ALDH6A1: variants seen among roughly 807,000 people sequenced by gnomAD.
The protein encoded by ALDH6A1 is aldehyde dehydrogenase 6 family member A1.
ALDH6A1 carries 43 observed loss-of-function variants against 62.6 expected under a neutral mutation model. That is an observed-to-expected ratio of 0.69 (90% confidence interval 0.54 to 0.89). The LOEUF (loss-of-function observed/expected upper bound fraction) is 0.89. ALDH6A1 is among the 40% of genes least tolerant of loss of function. The pLI is 0.00. For synonymous variants in ALDH6A1, 194 were observed against 234.2 expected, an observed-to-expected ratio of 0.83 and a Z score of 1.57; for missense variants, 551 against 661.3, an observed-to-expected ratio of 0.83 and a Z score of 1.83.
rs1436469172 is a variant in ALDH6A1 at position 74,057,759 on chromosome 14, AG to A, written c.*2882del. 1 of 1,133,946 alleles carries A rather than the reference AG, an allele frequency of 8.8e-7. No homozygotes were observed. Among genetic ancestry groups the A allele is most frequent in the African/African-American group, 1.7e-5 (1 of 60,152 alleles). 70.2% of individuals were successfully genotyped at this position (1,133,946 alleles called of 1,614,324 possible). On this transcript the variant is annotated 3_prime_UTR_variant, in exon 12 of 12. Transcript: ENST00000553458. ...CAAATGAAGCCACATTAGAACAAAA[AG>A]AAAATACTGACTTTTTAGCCGCGAT... is the stretch of plus-strand genomic sequence containing the variant.
At chr14:74,067,112 G>T (rs2060479202) in intron 8 of ALDH6A1, among the ~76,000 whole-genome samples, 1 of 152,148 alleles carries the variant, frequency 6.6e-6, no homozygotes, top group Non-Finnish European at 1.5e-5. Context: ...TGCTCAGGAG[G>T]CTGAGGCAGG....
intron 2 of ALDH6A1, among the ~76,000 whole-genome samples, chr14:74,073,840 C>T (rs1205400456): frequency 5.3e-5 from 8 of 150,716 alleles, no homozygotes; most frequent in African/African-American, 2.0e-4. Context: ...ATCACTTGAA[C>T]CTGGGAGGTG....
In ALDH6A1 at chr14:74,066,905, G is replaced by A; in HGVS notation, c.1043-19C>T. 6.2e-7 allele frequency: 1 copy of A among 1,609,940 alleles called. No individual in the cohort carries two copies. The highest frequency in any genetic ancestry group is 8.5e-7 in the Non-Finnish European group (1 of 1,176,220). Reference sequence around the variant, plus strand: ...TGATCTCCTGTAAAACAACACAGAAGAATTTAAGGTCCTCATTAACATAAA... The same window carrying A: ...TGATCTCCTGTAAAACAACACAGAAAAATTTAAGGTCCTCATTAACATAAA... On this transcript the variant is annotated intron_variant, in intron 8 of 11. Coordinates refer to ENST00000553458, the MANE Select transcript of ALDH6A1 (RefSeq NM_005589.4).
rs762992658 is a variant in ALDH6A1, at chr14:74,056,936, T to A, written c.*3706A>T. On this transcript the variant is annotated 3_prime_UTR_variant, in exon 12 of 12. Transcript: ENST00000553458. Reference sequence around the variant, plus strand: ...ACAACCAGAGTTCTAGGCCTCCAGTTCCAGACTATGTTGTTTCTGACAGTG... The same window carrying A: ...ACAACCAGAGTTCTAGGCCTCCAGTACCAGACTATGTTGTTTCTGACAGTG... The A allele has an allele frequency of 1.2e-6, 2 of 1,613,924 alleles. No individual in the cohort carries two copies. Among genetic ancestry groups the A allele is most frequent in the Non-Finnish European group, 1.7e-6 (2 of 1,179,912 alleles).
chr14:74,066,594 A>C, intron 9 of ALDH6A1, 111 bp downstream of exon 9: 7 of 1,114,424 alleles, frequency 6.3e-6, no homozygotes, highest in Non-Finnish European at 9.4e-6. Context: ...AATCCTGGCA[A>C]GAGATAAGGT....
chr14:74,064,799 A>G (rs746151782), intron 11 of ALDH6A1, 23 bp downstream of exon 11: 51 of 1,613,096 alleles, frequency 3.2e-5, no homozygotes, highest in Non-Finnish European at 4.2e-5. Context: ...AGGAAAAGAC[A>G]AAAAATTTAA....
chr14:74,057,518 CA>C lies in ALDH6A1; in HGVS notation c.*3123del. ...TGCCTTTTGAAGTAAACAGCCTAGC[CA>C]AAATGTGTACTATCTTTTACGTAAG... is the stretch of plus-strand genomic sequence containing the variant. On this transcript the variant is annotated 3_prime_UTR_variant, in exon 12 of 12. Transcript: ENST00000553458. 2 of 1,368,662 alleles carry C rather than the reference CA, an allele frequency of 1.5e-6. No individual in the cohort carries two copies. The highest frequency in any genetic ancestry group is 1.9e-6 in the Non-Finnish European group (2 of 1,056,314). 84.8% of individuals were successfully genotyped at this position (1,368,662 alleles called of 1,614,324 possible). A position where few individuals can be genotyped will look rare whatever the true frequency, so the allele number is the denominator to read the frequency against.
chr14:74,062,399 C>T (rs1056426348), intron 11 of ALDH6A1, among the ~76,000 whole-genome samples: 1 of 151,924 alleles, frequency 6.6e-6, no homozygotes, highest in African/African-American at 2.4e-5. Context: ...GTAAGGAGGT[C>T]GAGACCAGCC....
At chr14:74,067,291 T>C in intron 8 of ALDH6A1, 89 bp downstream of exon 8, 1 of 1,423,272 alleles carries the variant, frequency 7.0e-7, no homozygotes, top group East Asian at 2.3e-5. Flanking sequence ...TAGACATGAT[T>C]GTTCCCACTG....
chr14:74,062,282 T>C (rs1197390340), intron 11 of ALDH6A1, among the ~76,000 whole-genome samples: 2 of 152,012 alleles, frequency 1.3e-5, no homozygotes, highest in Non-Finnish European at 2.9e-5. Context: ...GAAATGTTAC[T>C]AGTATCAAAT....
chr14:74,063,732 G>A (rs530334096), intron 11 of ALDH6A1, among the ~76,000 whole-genome samples: 1 of 151,424 alleles, frequency 6.6e-6, no homozygotes, highest in South Asian at 2.1e-4. Flanking sequence ...CAAGTGTGGT[G>A]GTGGGCATCT....
chr14:74,069,191 G>T (rs1346496259), intron 6 of ALDH6A1: 1 of 424,842 alleles, frequency 2.4e-6, no homozygotes, highest in African/African-American at 2.4e-5. Flanking sequence ...TGCAACCTCC[G>T]CCTCCCAGGT....
chr14:74,075,536 G>A (rs1207209502), intron 1 of ALDH6A1, among the ~76,000 whole-genome samples: 1 of 151,888 alleles, frequency 6.6e-6, no homozygotes, highest in South Asian at 2.1e-4. Context: ...ACATGCCTGT[G>A]GTCCCAGCTA....
chr14:74,077,230 T>C (rs909183083), intron 1 of ALDH6A1, among the ~76,000 whole-genome samples: 1 of 152,156 alleles, frequency 6.6e-6, no homozygotes, highest in African/African-American at 2.4e-5. Flanking sequence ...CTGAATAAAA[T>C]AGAAGCCCAT....
At chr14:74,079,701 G>T (rs2060652496) in intron 1 of ALDH6A1, among the ~76,000 whole-genome samples, 2 of 152,068 alleles carry the variant, frequency 1.3e-5, no homozygotes, top group African/African-American at 4.8e-5. Context: ...CAAAGTGCTG[G>T]GATTACAGGC....
Position 74,060,411 on chromosome 14 carries a change from A to G in ALDH6A1, c.*231T>C, listed in dbSNP as rs1311461656. On this transcript the variant is annotated 3_prime_UTR_variant, in exon 12 of 12. Transcript: ENST00000553458. ...ACTTTCAGATAAGCATTTCATAGTT[A>G]CAACAGTTACCTCAAAATAGAAGTA... is the stretch of plus-strand genomic sequence containing the variant. 7.6e-6 allele frequency: 4 copies of G among 528,458 alleles called. No individual in the cohort carries two copies. The highest frequency in any genetic ancestry group is 1.4e-5 in the Non-Finnish European group (4 of 292,642). The allele number at this position is 528,458 out of a possible 1,614,324, so 32.7% of individuals were successfully genotyped here. A position where few individuals can be genotyped will look rare whatever the true frequency, so the allele number is the denominator to read the frequency against.
In ALDH6A1 at chr14:74,072,318, T is replaced by C. The variant is rs139109624; in HGVS notation, c.233A>G (p.Glu78Gly). ...GCAGGAAGCAATGGCTGCATCCATTTCTGCCTTGGTGGCCTGAGGGACCCG... is the reference window on the plus strand; with the variant it reads ...GCAGGAAGCAATGGCTGCATCCATTCCTGCCTTGGTGGCCTGAGGGACCCG... ...IGRVPQATKA[E>G]MDAAIASCKR... The change falls in exon 4 of 12, where the codon GAA becomes GGA. Residue 78 changes from glutamate to glycine, a missense_variant. By Grantham distance (98) the Glu-to-Gly change is moderately conservative (BLOSUM62 -2). Transcript: ENST00000553458. 58 of 1,614,128 alleles carry C rather than the reference T, an allele frequency of 3.6e-5. No individual in the cohort carries two copies. Among genetic ancestry groups the C allele is most frequent in the Non-Finnish European group, 4.6e-5 (54 of 1,180,050 alleles).
intron 10 of ALDH6A1, 22 bp from the exon 11 acceptor site, chr14:74,064,942 T>C: frequency 1.2e-6 from 2 of 1,602,908 alleles, no homozygotes; most frequent in South Asian, 2.2e-5. Flanking sequence ...CAAATCCGTG[T>C]CATATCCTAA....
Position 74,074,944 on chromosome 14 carries a change from A to G in ALDH6A1, c.111+11T>C. On this transcript the variant is annotated intron_variant, in intron 2 of 11. Transcript: ENST00000553458. Reference sequence around the variant, plus strand: ...TTCTCAGAAGTCAACCTCTATGCCAAATAAACTCACCACTGAAGAAGAGAA... The same window carrying G: ...TTCTCAGAAGTCAACCTCTATGCCAGATAAACTCACCACTGAAGAAGAGAA... 6.2e-7 allele frequency: 1 copy of G among 1,613,750 alleles called. No homozygotes were observed. Among genetic ancestry groups the G allele is most frequent in the Non-Finnish European group, 8.5e-7 (1 of 1,179,696 alleles).
Sources: gnomAD v4.1 joint callset for allele counts (sites outside exome capture counted in the v4.1 genomes callset) on GRCh38, gnomAD v4.1.1 for gene constraint, MANE v1.5 for transcripts, NCBI Gene and HGNC (gene_info 2026-07-23, HGNC 2026-07-21) for gene names.